MMP13: variants seen among roughly 807,000 people sequenced by gnomAD.
MMP13 encodes matrix metallopeptidase 13.
A neutral mutation model predicts 52.1 loss-of-function variants in MMP13; 45 were observed. The observed-to-expected ratio is 0.86, with a 90% CI of 0.68 to 1.11. The LOEUF is 1.11. MMP13 is among the 50% of genes least tolerant of loss of function. The probability of loss-of-function intolerance (pLI) is 0.00; values close to 1 mark genes in which losing one functional copy is unlikely to be tolerated. For missense variants in MMP13, 576 were observed against 583.8 expected (o/e 0.99, Z 0.14); for synonymous variants, 200 against 204.4 (o/e 0.98, Z 0.18).
At chr11:102,944,606 G>T (rs1333685188) in intron 9 of MMP13, among the ~76,000 whole-genome samples, 1 of 150,706 alleles carries the variant, frequency 6.6e-6, no homozygotes, top group Non-Finnish European at 1.5e-5. Flanking sequence ...TTGGATTATC[G>T]ATTTTTGTGT....
intron 9 of MMP13, among the ~76,000 whole-genome samples, 170 bp downstream of exon 9, chr11:102,945,475 GT>G (rs1228011827): frequency 1.3e-5 from 2 of 151,508 alleles, no homozygotes; most frequent in African/African-American, 2.4e-5. Context: ...TTCTAACCAT[GT>G]TTTTTTTGGT....
Position 102,949,009 on chromosome 11 carries a change from T to C in MMP13, c.1051+16A>G, listed in dbSNP as rs1565254112. The C allele has an allele frequency of 5.6e-6, 9 of 1,613,458 alleles. No homozygotes were observed. Among genetic ancestry groups the C allele is most frequent in the Non-Finnish European group, 6.8e-6 (8 of 1,179,656 alleles). On this transcript the variant is annotated intron_variant, in intron 7 of 9. Transcript: ENST00000260302. The surrounding 1 kb of genome is among the most constrained non-coding windows in gnomAD (Gnocchi z 4.2). ...TCCCCTGGTCTTGTGTGAGGACTCCTCTGTGGAAAGCTTACCTCTGAAGAT... is the reference window on the plus strand; with the variant it reads ...TCCCCTGGTCTTGTGTGAGGACTCCCCTGTGGAAAGCTTACCTCTGAAGAT...
At position 102,955,300 on chromosome 11, in the gene MMP13, T is replaced by C. The variant is rs1425186214; in HGVS notation, c.314A>G (p.Asn105Ser). The C allele has an allele frequency of 8.7e-6, 14 of 1,613,950 alleles. No individual in the cohort carries two copies. Among genetic ancestry groups the C allele is most frequent in the Non-Finnish European group, 1.1e-5 (13 of 1,179,884 alleles). The change falls in exon 2 of 10, where the codon AAT (asparagine) becomes AGT (serine). Residue 105 changes from asparagine to serine, a missense_variant. By Grantham distance (46) the Asn-to-Ser change is conservative. Coordinates refer to ENST00000260302, the MANE Select transcript of MMP13 (RefSeq NM_002427.4). This position sits in a 1 kb window ranked among gnomAD's most constrained non-coding sequence, Gnocchi z 4.9. ...CCATTTAAGAGTTCGAGGGAAAACA[T>C]TGTATTCACCCACATCAGGAACCCC... ...RCGVPDVGEYNVFPRTLKWSK... is the reference protein window; with the variant it reads ...RCGVPDVGEYSVFPRTLKWSK...
intron 9 of MMP13, chr11:102,945,241 C>CAAA (rs61571704): frequency 1.8e-5 from 11 of 623,862 alleles, no homozygotes; most frequent in East Asian, 2.3e-4. Context: ...GAGACTCTGT[C>CAAA]AAAAAAAAAA....
chr11:102,951,723 G>A (rs1326901579), intron 5 of MMP13, among the ~76,000 whole-genome samples: 1 of 152,102 alleles, frequency 6.6e-6, no homozygotes, highest in Non-Finnish European at 1.5e-5. Context: ...ACCTACTACA[G>A]ATATAGGCTA....
chr11:102,950,846 ATTAG>A (rs1286219232), intron 5 of MMP13, among the ~76,000 whole-genome samples: 2 of 152,194 alleles, frequency 1.3e-5, no homozygotes, highest in African/African-American at 4.8e-5. Flanking sequence ...TCTAGTTTTT[ATTAG>A]TTCTTTCATC....
Position 102,952,197 on chromosome 11 carries a change from G to T in MMP13, c.638-24C>A. ...GCCTGTAAGAAAACAAAGAAACAATGAGAAAAAAAGGAATTCCAGTGACCA... is the reference window on the plus strand; with the variant it reads ...GCCTGTAAGAAAACAAAGAAACAATTAGAAAAAAAGGAATTCCAGTGACCA... On this transcript the variant is annotated intron_variant, in intron 4 of 9. Coordinates refer to ENST00000260302, the MANE Select transcript of MMP13 (RefSeq NM_002427.4). This position sits in a 1 kb window ranked among gnomAD's most constrained non-coding sequence, Gnocchi z 4.3. 2 of 1,611,132 alleles carry T rather than the reference G, an allele frequency of 1.2e-6. No homozygotes were observed. Among genetic ancestry groups the T allele is most frequent in the South Asian group, 2.2e-5 (2 of 90,908 alleles).
rs1555016386 is a variant in MMP13 at position 102,944,260 on chromosome 11, A to G, written c.*6T>C. ...AGGATTTAAATAACAATTTTTAAAA[A>G]GACACTTAACACCACAAAATGGAAT... On this transcript the variant is annotated 3_prime_UTR_variant, in exon 10 of 10. Coordinates refer to ENST00000260302, the MANE Select transcript of MMP13 (RefSeq NM_002427.4). 1 of 1,608,350 alleles carries G rather than the reference A, an allele frequency of 6.2e-7. No homozygotes were observed. The highest frequency in any genetic ancestry group is 2.2e-5 in the East Asian group (1 of 44,770).
chr11:102,954,719 T>C, intron 2 of MMP13, 113 bp from the exon 3 acceptor site: 1 of 1,040,784 alleles, frequency 9.6e-7, no homozygotes, highest in South Asian at 1.3e-5. Context: ...CTTTGAAAGT[T>C]CTACTAGAGG....
At chr11:102,950,928 T>A (rs1860601438) in intron 5 of MMP13, among the ~76,000 whole-genome samples, 1 of 152,222 alleles carries the variant, frequency 6.6e-6, no homozygotes, top group South Asian at 2.1e-4. Flanking sequence ...CTTTGCCATC[T>A]TCAAGTTCAT....
chr11:102,948,784 C>T (rs1860558254), intron 7 of MMP13, among the ~76,000 whole-genome samples: 3 of 152,096 alleles, frequency 2.0e-5, no homozygotes, highest in African/African-American at 7.2e-5. Flanking sequence ...AAAAAACTGA[C>T]ATGATTCATA....
At position 102,943,191 on chromosome 11, in the gene MMP13, C is replaced by T. The variant is rs1435082168; in HGVS notation, c.*1075G>A. On this transcript the variant is annotated 3_prime_UTR_variant, in exon 10 of 10. Coordinates refer to ENST00000260302, the MANE Select transcript of MMP13 (RefSeq NM_002427.4). ...GTATCAATAGGCACTGTGGGAAGTG[C>T]TGGGGGATTTTTTTAAATGCAGAGA... The T allele has an allele frequency of 1.3e-5, 2 of 151,978 alleles. No homozygotes were observed. Among genetic ancestry groups the T allele is most frequent in the Non-Finnish European group, 2.9e-5 (2 of 68,012 alleles). The allele number at this position is 151,978 out of a possible 1,614,324, so 9.4% of individuals were successfully genotyped here.
intron 7 of MMP13, 33 bp downstream of exon 7, chr11:102,948,992 T>C: frequency 6.2e-7 from 1 of 1,613,076 alleles, no homozygotes; most frequent in Non-Finnish European, 8.5e-7. Flanking sequence ...CCTCCCCTGG[T>C]CTTGTGTGAG....
chr11:102,945,712 G>T lies in MMP13; in HGVS notation c.1249C>A (p.Pro417Thr), dbSNP rs1040017514. ...GGGAAGTCTTCTTCTATTAGTCTCG[G>T]ATAGTCTTTATCCATAATATGGTTA... is the stretch of plus-strand genomic sequence containing the variant. ...DTNHIMDKDY[P>T]RLIEEDFPGI... Residue 417 changes from proline (P) to threonine (T), a missense_variant, in exon 9 of 10, where the codon CCG becomes ACG. By Grantham distance (38) the Pro-to-Thr change is conservative. Transcript: ENST00000260302. The T allele has an allele frequency of 8.7e-6, 14 of 1,602,102 alleles. No homozygotes were observed. The highest frequency in any genetic ancestry group is 1.1e-5 in the Non-Finnish European group (13 of 1,170,450).
Position 102,954,211 on chromosome 11 carries a change from A to G in MMP13, c.582T>C (p.Asn194=). ...LLAHAFPPGP[N]YGGDAHFDDD... is the part of the protein sequence containing the mutation. The stretch of plus-strand genomic sequence containing the variant: ...CATCAAAATGGGCATCTCCTCCATA[A>G]TTTGGCCCAGGAGGAAAAGCATGAG... Residue 194 remains asparagine, a synonymous_variant, in exon 4 of 10, where the codon AAT becomes AAC. Transcript: ENST00000260302. 1 of 1,613,702 alleles carries G rather than the reference A, an allele frequency of 6.2e-7. No homozygotes were observed. Among genetic ancestry groups the G allele is most frequent in the Non-Finnish European group, 8.5e-7 (1 of 1,179,756 alleles).
At chr11:102,950,088 T>C (rs1555017136) in intron 6 of MMP13, 22 bp downstream of exon 6, 3 of 1,570,448 alleles carry the variant, frequency 1.9e-6, no homozygotes, top group Non-Finnish European at 2.6e-6. Flanking sequence ...ATACAGACTT[T>C]ATGAAAGAAT....
intron 9 of MMP13, 36 bp downstream of exon 9, chr11:102,945,610 G>T: frequency 8.0e-7 from 1 of 1,254,526 alleles, no homozygotes; most frequent in Non-Finnish European, 1.2e-6. Flanking sequence ...GGCTACAGAA[G>T]CTCCTCTTTA....
intron 7 of MMP13, among the ~76,000 whole-genome samples, 172 bp downstream of exon 7, chr11:102,948,853 G>A (rs995357043): frequency 3.3e-5 from 5 of 152,064 alleles, no homozygotes; most frequent in African/African-American, 4.8e-5. Flanking sequence ...TGTTCAATTT[G>A]GAGATTCATG....
At chr11:102,945,178 A>G (rs1591152843) in intron 9 of MMP13, 2 of 470,796 alleles carry the variant, frequency 4.2e-6, no homozygotes, top group Non-Finnish European at 7.7e-6. Context: ...CAGGAGGCGG[A>G]GGTTGCAGCG....
Sources: allele counts gnomAD v4.1 joint callset (sites outside exome capture counted in the v4.1 genomes callset), GRCh38; gene constraint gnomAD v4.1.1; non-coding constraint Gnocchi (gnomAD v3.1); transcripts MANE v1.5; gene names NCBI Gene and HGNC (gene_info 2026-07-23, HGNC 2026-07-21).